MAGI2: variants seen among roughly 807,000 people sequenced by gnomAD.
MAGI2 encodes membrane-associated guanylate kinase, WW and PDZ domain-containing protein 2.
MAGI2 carries 35 observed loss-of-function variants against 133.3 expected under a neutral mutation model. That is an observed-to-expected ratio of 0.26 (90% CI 0.20 to 0.35). MAGI2 has a LOEUF of 0.35. Ranked by LOEUF, MAGI2 falls within the 10% of genes least tolerant of loss-of-function variation. The pLI, the probability that MAGI2 is intolerant of heterozygous loss-of-function variation, is 1.00. For missense variants in MAGI2, 1,636 were observed against 1,863.4 expected, an observed-to-expected ratio of 0.88 and a Z score of 2.25; for synonymous variants, 729 against 710.6, an observed-to-expected ratio of 1.03 and a Z score of -0.41.
chr7:79,017,792 A>C (rs561423639), intron 1 of MAGI2, among the ~76,000 whole-genome samples: 2 of 152,318 alleles, frequency 1.3e-5, no homozygotes, highest in East Asian at 3.9e-4. Flanking sequence ...ATGCAATCAC[A>C]AGTATTAACA....
At chr7:78,443,934 G>C (rs909123299) in intron 6 of MAGI2, among the ~76,000 whole-genome samples, 2 of 152,076 alleles carry the variant, frequency 1.3e-5, no homozygotes, top group African/African-American at 4.8e-5. Flanking sequence ...TGTGGGAGGA[G>C]AATATTCTTC....
chr7:79,304,235 A>T (rs964099517), intron 1 of MAGI2, among the ~76,000 whole-genome samples: 3 of 11,726 alleles, frequency 2.6e-4, no homozygotes, highest in South Asian at 1.9e-3. Context: ...GTGTGTGTAG[A>T]TTTCTAGAGG....
chr7:79,048,982 G>C (rs939168673), intron 1 of MAGI2, among the ~76,000 whole-genome samples: 1 of 152,124 alleles, frequency 6.6e-6, no homozygotes, highest in African/African-American at 2.4e-5. Context: ...AACAAAAACA[G>C]TTTAACAAAG....
At chr7:78,844,556 A>G (rs770739169) in intron 2 of MAGI2, among the ~76,000 whole-genome samples, 3 of 151,936 alleles carry the variant, frequency 2.0e-5, no homozygotes, top group Non-Finnish European at 4.4e-5. Context: ...GTGAAACCAT[A>G]TTGCATGATT....
intron 1 of MAGI2, among the ~76,000 whole-genome samples, chr7:79,137,714 C>T (rs539015433): frequency 1.3e-4 from 20 of 152,052 alleles, no homozygotes; most frequent in South Asian, 1.2e-3. Flanking sequence ...CCACTCACCT[C>T]GGCCTCCCAA....
rs541257317 is a variant in MAGI2 at position 78,584,344 on chromosome 7, C to T, written c.538+42776G>A. ...CTGAGGCAGAAGAATCACTTGAACT[C>T]GAGAGGCAGAGGTTGCAGTGAGCCA... is the stretch of plus-strand genomic sequence containing the variant. On this transcript the variant is annotated intron_variant, in intron 3 of 21. Transcript: ENST00000354212. Among the ~76,000 whole-genome samples, 202 of 142,716 alleles carry T rather than the reference C, an allele frequency of 1.4e-3. 1 individual carries two copies. The highest frequency in any genetic ancestry group is 2.2e-3 in the Non-Finnish European group (144 of 66,236). The allele number at this position is 142,716 out of a possible 152,430, so 93.6% of individuals were successfully genotyped here.
At chr7:79,246,439 A>G (rs779155959) in intron 1 of MAGI2, among the ~76,000 whole-genome samples, 2 of 152,224 alleles carry the variant, frequency 1.3e-5, no homozygotes, top group Non-Finnish European at 2.9e-5. Flanking sequence ...TATCAAAAAG[A>G]TATAAGAAAT....
intron 10 of MAGI2, among the ~76,000 whole-genome samples, chr7:78,218,253 C>T (rs191864518): frequency 9.2e-4 from 140 of 152,344 alleles, no homozygotes; most frequent in Middle Eastern, 3.4e-3. Flanking sequence ...AGGGGACCTT[C>T]CAGCCAATGG....
intron 2 of MAGI2, among the ~76,000 whole-genome samples, chr7:78,890,766 G>A (rs1479458492): frequency 1.3e-5 from 2 of 152,184 alleles, no homozygotes; most frequent in South Asian, 2.1e-4. Flanking sequence ...ATTCCCATAA[G>A]AGAAAGCAGG....
At chr7:78,476,718 G>A (rs1044426609) in intron 6 of MAGI2, among the ~76,000 whole-genome samples, 2 of 151,866 alleles carry the variant, frequency 1.3e-5, no homozygotes, top group East Asian at 3.9e-4. Flanking sequence ...TAAGCTGTTG[G>A]AAAGATAATT....
chr7:78,974,839 C>T (rs1751858594), intron 2 of MAGI2, among the ~76,000 whole-genome samples: 1 of 151,700 alleles, frequency 6.6e-6, no homozygotes, highest in Admixed American at 6.6e-5. Flanking sequence ...CTAACCAAAA[C>T]ACCTATAATC....
chr7:78,667,176 TTAAA>T (rs1050479325), intron 2 of MAGI2, among the ~76,000 whole-genome samples: 121 of 151,880 alleles, frequency 8.0e-4, no homozygotes, highest in African/African-American at 2.8e-3. Flanking sequence ...AATACTGGAG[TTAAA>T]TATAGAACAT....
chr7:79,301,838 C>A (rs1028303876), intron 1 of MAGI2, among the ~76,000 whole-genome samples: 1 of 152,144 alleles, frequency 6.6e-6, no homozygotes, highest in East Asian at 1.9e-4. Context: ...TGGGAGTGAA[C>A]CCTTCATGGC....
intron 7 of MAGI2, among the ~76,000 whole-genome samples, chr7:78,346,841 T>C (rs1790962751): frequency 6.6e-6 from 1 of 152,098 alleles, no homozygotes; most frequent in South Asian, 2.1e-4. Context: ...AAACATCCCA[T>C]GAGAGGGCTG....
At chr7:78,210,517 A>G (rs2150799830) in intron 10 of MAGI2, among the ~76,000 whole-genome samples, 1 of 152,286 alleles carries the variant, frequency 6.6e-6, no homozygotes, top group Middle Eastern at 3.4e-3. Flanking sequence ...TTATGGGCAA[A>G]ATAAGTCGGA....
chr7:79,403,956 T>C (rs1845636495), intron 1 of MAGI2, among the ~76,000 whole-genome samples: 1 of 152,122 alleles, frequency 6.6e-6, no homozygotes, highest in Admixed American at 6.5e-5. Flanking sequence ...TGGAATTTAG[T>C]GACAAGAAGC....
At chr7:78,487,163 A>C in intron 6 of MAGI2, 1 of 179,376 alleles carries the variant, frequency 5.6e-6, no homozygotes, top group East Asian at 1.5e-4. Flanking sequence ...AAGTAGCTGC[A>C]GCAGGATGGG....
Position 78,847,354 on chromosome 7 carries a change from C to T in MAGI2, c.418+159736G>A, listed in dbSNP as rs1248955238. On this transcript the variant is annotated intron_variant, in intron 2 of 21. Coordinates refer to ENST00000354212, the MANE Select transcript of MAGI2 (RefSeq NM_012301.4). ...GATCACTCCATAAACTAAAAAGGCTCGTGGCTTGCGAGGGGTACTAGTAAA... is the reference window on the plus strand; with the variant it reads ...GATCACTCCATAAACTAAAAAGGCTTGTGGCTTGCGAGGGGTACTAGTAAA... 2.6e-5 allele frequency among the ~76,000 whole-genome samples: 4 copies of T among 151,870 alleles called. No homozygotes were observed. The East Asian group carries it at 5.8e-4, about 22-fold the overall frequency.
intron 16 of MAGI2, among the ~76,000 whole-genome samples, chr7:78,149,931 A>C (rs1823708172): frequency 6.6e-6 from 1 of 152,200 alleles, no homozygotes; most frequent in African/African-American, 2.4e-5. Flanking sequence ...TCCACTATTT[A>C]GTTGATTTTC....
Sources: allele counts gnomAD v4.1 joint callset (sites outside exome capture counted in the v4.1 genomes callset), GRCh38; gene constraint gnomAD v4.1.1; transcripts MANE v1.5; gene names NCBI Gene and HGNC (gene_info 2026-07-23, HGNC 2026-07-21).